The following DCAF5 variants were observed in gnomAD, a reference collection of about 807,000 sequenced individuals.
DCAF5 encodes the protein DDB1 and CUL4 associated factor 5, also known as DDB1- and CUL4-associated factor 5.
In DCAF5, 9 loss-of-function variants were observed where a neutral mutation model predicts 80.7. The ratio of observed to expected loss-of-function variants is 0.11; its 90% CI spans 0.07 to 0.19. The LOEUF is 0.19. Among genes scored for constraint, DCAF5 ranks in the 10% least tolerant of loss-of-function variants. The pLI is 1.00. For missense variants in DCAF5, 842 were observed against 1,205.7 expected, an observed-to-expected ratio of 0.70 and a Z score of 4.47; for synonymous variants, 433 against 461.9, an observed-to-expected ratio of 0.94 and a Z score of 0.80.
intron 5 of DCAF5, among the ~76,000 whole-genome samples, chr14:69,109,803 G>A (rs1013721328): frequency 1.5e-4 from 23 of 152,106 alleles, no homozygotes; most frequent in South Asian, 4.2e-4. Context: ...CATGTCTTTG[G>A]TGGAAATAGG....
chr14:69,079,323 T>C (rs2039014691), intron 6 of DCAF5, among the ~76,000 whole-genome samples: 1 of 152,208 alleles, frequency 6.6e-6, no homozygotes, highest in African/African-American at 2.4e-5. Flanking sequence ...GGGTTTAATA[T>C]GACAGCTCCT....
chr14:69,076,611 G>A (rs1365252173), intron 6 of DCAF5, among the ~76,000 whole-genome samples: 4 of 152,184 alleles, frequency 2.6e-5, no homozygotes, highest in African/African-American at 9.7e-5. Flanking sequence ...GCAAGTGGTT[G>A]CCAGGAGCTA....
chr14:69,113,592 G>A (rs1262305372), intron 5 of DCAF5, among the ~76,000 whole-genome samples: 1 of 152,164 alleles, frequency 6.6e-6, no homozygotes, highest in Non-Finnish European at 1.5e-5. Flanking sequence ...CAGATTTAGA[G>A]TTGCCCCAAA....
At chr14:69,082,253 T>C (rs1488412120) in intron 6 of DCAF5, among the ~76,000 whole-genome samples, 1 of 152,232 alleles carries the variant, frequency 6.6e-6, no homozygotes, top group Non-Finnish European at 1.5e-5. Flanking sequence ...GGCAAAGCCG[T>C]AGATTTATTT....
intron 5 of DCAF5, among the ~76,000 whole-genome samples, chr14:69,110,288 T>TC (rs2040312981): frequency 6.7e-6 from 1 of 149,232 alleles, no homozygotes; most frequent in South Asian, 2.1e-4. Context: ...TTTTTTTTTT[T>TC]GAGACAGAGT....
At chr14:69,100,425 A>C (rs1042443668) in intron 5 of DCAF5, among the ~76,000 whole-genome samples, 3 of 152,230 alleles carry the variant, frequency 2.0e-5, no homozygotes, top group African/African-American at 7.2e-5. Flanking sequence ...AAATCCAGTC[A>C]TTATTTTAAA....
chr14:69,102,028 T>G (rs2039969519), intron 5 of DCAF5, among the ~76,000 whole-genome samples: 1 of 152,058 alleles, frequency 6.6e-6, no homozygotes, highest in African/African-American at 2.4e-5. Flanking sequence ...ATAGACTATA[T>G]AAATATTACA....
intron 7 of DCAF5, 119 bp downstream of exon 7, chr14:69,075,226 C>T: frequency 3.1e-6 from 2 of 639,788 alleles, no homozygotes; most frequent in South Asian, 6.6e-5. Flanking sequence ...TTCCTTTGGT[C>T]ACAGCTTATG....
In DCAF5 at chr14:69,116,527, C is replaced by G. The variant is rs193008842; in HGVS notation, c.536-32G>C. The stretch of plus-strand genomic sequence containing the variant: ...AAAGAAAAATTATAATCAGTTCACT[C>G]CAGGTACCTGTGGGCCACTGGCAGG... On this transcript the variant is annotated intron_variant, in intron 4 of 8. Coordinates refer to ENST00000341516, the MANE Select transcript of DCAF5 (RefSeq NM_003861.3). The G allele has an allele frequency of 4.5e-5, 72 of 1,600,522 alleles. No individual in the cohort carries two copies. The East Asian group carries it at 1.1e-3, about 25-fold the overall frequency.
In DCAF5 at chr14:69,053,802, T is replaced by A. The variant is rs1594916301; in HGVS notation, c.*55A>T. The A allele has an allele frequency of 6.4e-5, 15 of 234,656 alleles. No homozygotes were observed. Among genetic ancestry groups the A allele is most frequent in the Non-Finnish European group, 8.0e-5 (13 of 161,752 alleles). 14.5% of individuals were successfully genotyped at this position (234,656 alleles called of 1,614,324 possible). ...CCTTTCCTCTGTATTCACTAAACAA[T>A]TTTTTTTTTTTTGTAAGGCTACTTT... On this transcript the variant is annotated 3_prime_UTR_variant, in exon 9 of 9. Transcript: ENST00000341516.
intron 5 of DCAF5, among the ~76,000 whole-genome samples, chr14:69,096,449 C>G (rs1177270258): frequency 2.6e-5 from 4 of 152,176 alleles, no homozygotes; most frequent in African/African-American, 4.8e-5. Flanking sequence ...TTAAGTTTGA[C>G]TGAAGTTGGC....
At position 69,065,231 on chromosome 14, in the gene DCAF5, G is replaced by A. The variant is rs760066083; in HGVS notation, c.947-2720C>T. ...TCTGCCTCAGCCTCCTGAGTAGCTGGGATTACAGGCATCCACCACCATGCC... is the reference window on the plus strand; with the variant it reads ...TCTGCCTCAGCCTCCTGAGTAGCTGAGATTACAGGCATCCACCACCATGCC... On this transcript the variant is annotated intron_variant, in intron 7 of 8. Transcript: ENST00000341516. Among the ~76,000 whole-genome samples the A allele has an allele frequency of 5.9e-5, 9 of 151,726 alleles. 1 individual carries two copies. The highest frequency in any genetic ancestry group is 3.9e-4 in the Admixed American group (6 of 15,222).
In DCAF5 at chr14:69,053,862, T is replaced by C. The variant is rs1210994974; in HGVS notation, c.2824A>G (p.Thr942Ala). The stretch of plus-strand genomic sequence containing the variant: ...TTGTTTTCCCTTTGTATTTATCATG[T>C]TTTTAATTTCTTCTCTGAGGAGGAA... Reference protein sequence around the residue: ...ENSSSEKKLKT With the variant: ...ENSSSEKKLKA The change falls in exon 9 of 9, where the codon ACA becomes GCA. Residue 942 changes from threonine to alanine, a missense_variant. Transcript: ENST00000341516. 1.9e-6 allele frequency: 3 copies of C among 1,596,010 alleles called. No homozygotes were observed. The highest frequency in any genetic ancestry group is 3.6e-5 in the Admixed American group (2 of 55,204).
intron 6 of DCAF5, chr14:69,090,212 A>G (rs941361149): frequency 1.9e-5 from 12 of 631,420 alleles, no homozygotes; most frequent in Non-Finnish European, 2.4e-5. Flanking sequence ...CTTGATTGTC[A>G]TTTCCACAGC....
Position 69,054,321 on chromosome 14 carries a change from C to A in DCAF5, c.2365G>T (p.Ala789Ser). 1 of 1,614,196 alleles carries A rather than the reference C, an allele frequency of 6.2e-7. No individual in the cohort carries two copies. The highest frequency in any genetic ancestry group is 8.5e-7 in the Non-Finnish European group (1 of 1,180,040). Residue 789 changes from alanine to serine, a missense_variant, in exon 9 of 9, where the codon GCT becomes TCT. By Grantham distance (99) the Ala-to-Ser change is moderately conservative. Coordinates refer to ENST00000341516, the MANE Select transcript of DCAF5 (RefSeq NM_003861.3). The stretch of plus-strand genomic sequence containing the variant: ...ACAGGAGGAGAAGGCGGCTCCTCAG[C>A]CCGACTGCTCAGGGCCTTTCCATTG... ...KLNGKALSSRAEEPPSPPVPK... is the reference protein window; with the variant it reads ...KLNGKALSSRSEEPPSPPVPK...
In DCAF5 at chr14:69,152,953, C is replaced by A. The variant is rs375118926; in HGVS notation, c.26G>T (p.Gly9Val). MKRRAGLG[G>V]SMRSVVGFLS... ...GAAGCCCACCACTGACCTCATGCTGCCCCCCAGGCCAGCTCTCCTCTTCAT... is the reference window on the plus strand; with the variant it reads ...GAAGCCCACCACTGACCTCATGCTGACCCCCAGGCCAGCTCTCCTCTTCAT... The change falls in exon 1 of 9, where the codon GGC becomes GTC. Residue 9 changes from glycine to valine, a missense_variant. Physicochemically the swap from Gly to Val is moderately radical, Grantham distance 109. Around this residue, in one of 5 missense-constraint regions of DCAF5, gnomAD observed 28 missense variants for 28.7 expected, o/e 0.98. Coordinates refer to ENST00000341516, the MANE Select transcript of DCAF5 (RefSeq NM_003861.3). The surrounding 1 kb of genome is among the most constrained non-coding windows in gnomAD (Gnocchi z 4.1). 6.2e-7 allele frequency: 1 copy of A among 1,610,298 alleles called. No homozygotes were observed. The highest frequency in any genetic ancestry group is 1.3e-5 in the African/African-American group (1 of 74,718).
rs550238845 is a variant in DCAF5, at chr14:69,079,354, A to T, written c.880-3943T>A. 1.4e-3 allele frequency among the ~76,000 whole-genome samples: 216 copies of T among 152,330 alleles called. 5 individuals are homozygous for T. In the South Asian group the frequency reaches 0.028, roughly 20 times the overall value. ...CTCCTAAAATATGCAGAAAATGCAT[A>T]GAATGTACAGGCTTCCTCTTAGGGA... is the stretch of plus-strand genomic sequence containing the variant. On this transcript the variant is annotated intron_variant, in intron 6 of 8. Coordinates refer to ENST00000341516, the MANE Select transcript of DCAF5 (RefSeq NM_003861.3).
intron 1 of DCAF5, among the ~76,000 whole-genome samples, chr14:69,143,221 T>C (rs1444360483): frequency 3.3e-5 from 5 of 152,104 alleles, no homozygotes; most frequent in African/African-American, 1.2e-4. Context: ...ATATGAGTGA[T>C]AGCATCAAGA....
chr14:69,129,778 T>G (rs1261698948), intron 1 of DCAF5, among the ~76,000 whole-genome samples: 3 of 152,168 alleles, frequency 2.0e-5, no homozygotes, highest in Non-Finnish European at 4.4e-5. Context: ...CAGGGACTTC[T>G]CGGGAAGGCT....
Sources: allele counts gnomAD v4.1 joint callset (sites outside exome capture counted in the v4.1 genomes callset), GRCh38; gene constraint gnomAD v4.1.1; regional missense constraint gnomAD v4.1.1; non-coding constraint Gnocchi (gnomAD v3.1); transcripts MANE v1.5; gene names NCBI Gene and HGNC (gene_info 2026-07-23, HGNC 2026-07-21).